EPHA8: variants seen among roughly 807,000 people sequenced by gnomAD.
The protein encoded by EPHA8 is ephrin type-A receptor 8.
In EPHA8, 58 loss-of-function variants were observed where a neutral mutation model predicts 103.6. That is an observed-to-expected ratio of 0.56 (90% CI 0.45 to 0.70). EPHA8 has a LOEUF of 0.70. Ranked by LOEUF, EPHA8 falls within the 30% of genes least tolerant of loss-of-function variation. The pLI is 0.00. For synonymous variants in EPHA8, 559 were observed against 572.5 expected (o/e 0.98, Z 0.34); for missense variants, 1,304 against 1,395.2 (o/e 0.93, Z 1.04).
In EPHA8 at chr1:22,576,849, C is replaced by T. The variant is rs1223776665; in HGVS notation, c.792C>T (p.Ala264=). ...CCATCGGCAAATGCGTGTGCAGTGC[C>T]GGCTACGAGGAGCGGCGGGATGCCT... The part of the protein sequence containing the change: ...LVPIGKCVCS[A]GYEERRDACV... Residue 264 remains alanine, a synonymous_variant, in exon 3 of 17, where the codon GCC becomes GCT. Transcript: ENST00000166244. The surrounding 1 kb of genome is among the most constrained non-coding windows in gnomAD (Gnocchi z 4.8). 2 of 1,601,868 alleles carry T rather than the reference C, an allele frequency of 1.2e-6. No homozygotes were observed. The highest frequency in any genetic ancestry group is 1.7e-6 in the Non-Finnish European group (2 of 1,172,474).
chr1:22,600,015 AG>A (rs1392390617), intron 13 of EPHA8, among the ~76,000 whole-genome samples: 1 of 99,740 alleles, frequency 1.0e-5, no homozygotes, highest in Non-Finnish European at 2.0e-5. Flanking sequence ...GAGGGAAGGA[AG>A]GAGGGAAGGG....
At chr1:22,591,819 C>T (rs1641379394) in intron 5 of EPHA8, among the ~76,000 whole-genome samples, 2 of 152,204 alleles carry the variant, frequency 1.3e-5, no homozygotes, top group Non-Finnish European at 2.9e-5. Context: ...TGCCTGGCTC[C>T]TCTGCCCTGG....
chr1:22,599,641 GGGAGGGAAGGAAGGAAAGGAGGGAGGGA>G (rs1641624931), intron 13 of EPHA8, among the ~76,000 whole-genome samples: 1 of 73,480 alleles, frequency 1.4e-5, no homozygotes, highest in Non-Finnish European at 2.5e-5. Flanking sequence ...AAGGAAGGGA[GGGAGGGAAGGAAGGAAAGGAGGGAGGGA>G]GGAAGGAGGG....
intron 2 of EPHA8, among the ~76,000 whole-genome samples, chr1:22,571,739 G>A (rs1373174801): frequency 6.6e-6 from 1 of 152,176 alleles, no homozygotes; most frequent in Non-Finnish European, 1.5e-5. Flanking sequence ...AGGGGCCTGG[G>A]AATCTTCTGT....
At chr1:22,593,896 A>G (rs1203761679) in intron 7 of EPHA8, among the ~76,000 whole-genome samples, 1 of 152,150 alleles carries the variant, frequency 6.6e-6, no homozygotes, top group Non-Finnish European at 1.5e-5. Flanking sequence ...GCAGTGGTGC[A>G]ATCTCAGCTC....
intron 3 of EPHA8, among the ~76,000 whole-genome samples, chr1:22,578,933 ATG>A (rs1224452117): frequency 2.1e-5 from 3 of 146,190 alleles, no homozygotes; most frequent in Non-Finnish European, 4.5e-5. Context: ...TTATGTGTGC[ATG>A]TGTGTATGTA....
At chr1:22,593,735 C>A (rs1420298379) in intron 7 of EPHA8, 49 bp downstream of exon 7, 7 of 1,483,656 alleles carry the variant, frequency 4.7e-6, no homozygotes, top group Non-Finnish European at 6.3e-6. Flanking sequence ...GGTGCCAGGA[C>A]CCTGGGGTCG....
intron 3 of EPHA8, among the ~76,000 whole-genome samples, chr1:22,580,127 C>CTTTTT (rs764600240): frequency 3.1e-5 from 3 of 97,426 alleles, no homozygotes; most frequent in African/African-American, 4.4e-5. Flanking sequence ...CTTTCTTTCT[C>CTTTTT]TTTTTTTTTT....
At position 22,589,075 on chromosome 1, in the gene EPHA8, C is replaced by T; in HGVS notation, c.1184C>T (p.Ala395Val). The change falls in exon 5 of 17, where the codon GCC becomes GTC. Residue 395 changes from alanine to valine, a missense_variant. Physicochemically the swap from Ala to Val is moderately conservative, Grantham distance 64. Transcript: ENST00000166244. The surrounding 1 kb of genome is among the most constrained non-coding windows in gnomAD (Gnocchi z 4.3). ...FVPQQTSLVQ[A>V]SLLVANLLAH... ...CCCCAGCAGACAAGCCTGGTGCAGGCCAGCCTGCTGGTGGCCAACCTGCTG... is the reference window on the plus strand; with the variant it reads ...CCCCAGCAGACAAGCCTGGTGCAGGTCAGCCTGCTGGTGGCCAACCTGCTG... 6.2e-7 allele frequency: 1 copy of T among 1,613,392 alleles called. No individual in the cohort carries two copies. The highest frequency in any genetic ancestry group is 8.5e-7 in the Non-Finnish European group (1 of 1,179,742).
At position 22,576,045 on chromosome 1, in the gene EPHA8, G is replaced by A. The variant is rs1250517801; in HGVS notation, c.160-172G>A. 6.6e-6 allele frequency among the ~76,000 whole-genome samples: 1 copy of A among 151,518 alleles called. No individual in the cohort carries two copies. Among genetic ancestry groups the A allele is most frequent in the Non-Finnish European group, 1.5e-5 (1 of 67,926 alleles). ...GTAAATAACACTTCCCCTGAAGATCGTGGCCCTCTTCGAGATCATGTCTGC... is the reference window on the plus strand; with the variant it reads ...GTAAATAACACTTCCCCTGAAGATCATGGCCCTCTTCGAGATCATGTCTGC... On this transcript the variant is annotated intron_variant, in intron 2 of 16. Coordinates refer to ENST00000166244, the MANE Select transcript of EPHA8 (RefSeq NM_020526.5). The surrounding 1 kb of genome is among the most constrained non-coding windows in gnomAD (Gnocchi z 4.8).
At chr1:22,581,726 A>G (rs901155585) in intron 3 of EPHA8, among the ~76,000 whole-genome samples, 2 of 152,260 alleles carry the variant, frequency 1.3e-5, no homozygotes, top group Non-Finnish European at 2.9e-5. Flanking sequence ...ATTGCAGCAT[A>G]TTTTGAATTT....
At chr1:22,587,254 GCT>G (rs1641241292) in intron 4 of EPHA8, among the ~76,000 whole-genome samples, 1 of 152,240 alleles carries the variant, frequency 6.6e-6, no homozygotes, top group South Asian at 2.1e-4. Context: ...GTGTAGTTGA[GCT>G]CACATATATA....
chr1:22,601,346 G>A lies in EPHA8; in HGVS notation c.2776G>A (p.Gly926Ser). 1 of 1,608,770 alleles carries A rather than the reference G, an allele frequency of 6.2e-7. No homozygotes were observed. The highest frequency in any genetic ancestry group is 1.1e-5 in the South Asian group (1 of 90,630). Residue 926 changes from glycine to serine, a missense_variant, in exon 16 of 17, where the codon GGC (glycine) becomes AGC (serine). Coordinates refer to ENST00000166244, the MANE Select transcript of EPHA8 (RefSeq NM_020526.5). The stretch of plus-strand genomic sequence containing the variant: ...CCGGAGCTGCTTTGACCTCCGAGGG[G>A]GCAGCGGTGGCGGTGGGGGCCTCAC... ...FVRSCFDLRGGSGGGGGLTVG... is the reference protein window; with the variant it reads ...FVRSCFDLRGSSGGGGGLTVG...
chr1:22,586,782 G>GGC, intron 4 of EPHA8, 147 bp downstream of exon 4: 3 of 976,568 alleles, frequency 3.1e-6, no homozygotes, highest in South Asian at 3.4e-5. Context: ...GTCTGAGGTG[G>GGC]GGGGGGTGAC....
intron 1 of EPHA8, among the ~76,000 whole-genome samples, chr1:22,564,863 TC>T (rs1164317823): frequency 6.6e-6 from 1 of 152,128 alleles, no homozygotes; most frequent in East Asian, 1.9e-4. Flanking sequence ...AAGATGAACT[TC>T]CAGGTGTAAG....
chr1:22,570,382 A>G (rs769217947), intron 2 of EPHA8, among the ~76,000 whole-genome samples: 160 of 91,804 alleles, frequency 1.7e-3, no homozygotes, highest in African/African-American at 8.8e-4. Context: ...GCGTACACAC[A>G]CGCGCGCGCG....
At chr1:22,564,252 G>A (rs978377023) in intron 1 of EPHA8, among the ~76,000 whole-genome samples, 1 of 151,852 alleles carries the variant, frequency 6.6e-6, no homozygotes, top group Non-Finnish European at 1.5e-5. Context: ...CGGGACCCCG[G>A]AGAGCAGGAC....
In EPHA8 at chr1:22,567,149, C is replaced by T. The variant is rs921650773; in HGVS notation, c.95-2140C>T. Among the ~76,000 whole-genome samples, 1 of 152,208 alleles carries T rather than the reference C, an allele frequency of 6.6e-6. No homozygotes were observed. The highest frequency in any genetic ancestry group is 1.5e-5 in the Non-Finnish European group (1 of 68,032). Reference sequence around the variant, plus strand: ...GAGAATCCTAAGCAGTGGACATCCACTTGAGTGGCTCCGGGATAGGGACAG... The same window carrying T: ...GAGAATCCTAAGCAGTGGACATCCATTTGAGTGGCTCCGGGATAGGGACAG... On this transcript the variant is annotated intron_variant, in intron 1 of 16. Transcript: ENST00000166244. The surrounding 1 kb of genome is among the most constrained non-coding windows in gnomAD (Gnocchi z 4.2).
intron 9 of EPHA8, among the ~76,000 whole-genome samples, chr1:22,596,541 A>C (rs1399273853): frequency 6.6e-6 from 1 of 151,896 alleles, no homozygotes; most frequent in Non-Finnish European, 1.5e-5. Flanking sequence ...TCCACACCCC[A>C]CTCCTGTGCC....
Sources: allele counts gnomAD v4.1 joint callset (sites outside exome capture counted in the v4.1 genomes callset), GRCh38; gene constraint gnomAD v4.1.1; non-coding constraint Gnocchi (gnomAD v3.1); transcripts MANE v1.5; gene names NCBI Gene and HGNC (gene_info 2026-07-23, HGNC 2026-07-21).